Variants in AGPAT5 observed in about 807,000 individuals in gnomAD.
The protein encoded by AGPAT5 is 1-acylglycerol-3-phosphate O-acyltransferase 5.
A neutral mutation model predicts 45.6 loss-of-function variants in AGPAT5; 46 were observed. That is an observed-to-expected ratio of 1.01 (90% CI 0.80 to 1.29). The LOEUF is 1.29. AGPAT5 is among the 50% of genes most tolerant of loss of function. The pLI is 0.00. For missense variants in AGPAT5, 673 were observed against 450.7 expected (o/e 1.49, Z -4.47); for synonymous variants, 272 against 167.0 (o/e 1.63, Z -4.85).
At chr8:6,732,405 C>T (rs1800893577) in intron 3 of AGPAT5, among the ~76,000 whole-genome samples, 156 bp from the exon 4 acceptor site, 1 of 152,176 alleles carries the variant, frequency 6.6e-6, no homozygotes, top group African/African-American at 2.4e-5. Context: ...GCTAAATGTT[C>T]TTTAGAAGCT....
intron 2 of AGPAT5, among the ~76,000 whole-genome samples, chr8:6,727,926 ACCTTACAGAGGCTGTCT>A (rs1323319808): frequency 1.3e-5 from 2 of 152,134 alleles, no homozygotes; most frequent in Non-Finnish European, 1.5e-5. Flanking sequence ...CCTTTCAGGC[ACCTTACAGAGGCTGTCT>A]CCTAATCCTG....
At chr8:6,714,556 A>G (rs867892102) in intron 1 of AGPAT5, among the ~76,000 whole-genome samples, 1 of 152,186 alleles carries the variant, frequency 6.6e-6, no homozygotes, top group African/African-American at 2.4e-5. Context: ...TCTATTTTAA[A>G]ATCACAGATG....
intron 1 of AGPAT5, among the ~76,000 whole-genome samples, chr8:6,714,066 T>A (rs1800242745): frequency 2.0e-5 from 3 of 152,200 alleles, no homozygotes; most frequent in Non-Finnish European, 4.4e-5. Context: ...AGTCATCTAG[T>A]CTACTCCCTT....
chr8:6,737,583 T>G (rs547785927), intron 4 of AGPAT5, among the ~76,000 whole-genome samples: 1 of 152,350 alleles, frequency 6.6e-6, no homozygotes, highest in Admixed American at 6.5e-5. Context: ...TAAAAATAAC[T>G]AATAGAAGTC....
chr8:6,708,847 G>T lies in AGPAT5; in HGVS notation c.179G>T (p.Ser60Ile), dbSNP rs760187760. 6.1e-5 allele frequency: 98 copies of T among 1,611,030 alleles called. No homozygotes were observed. The highest frequency in any genetic ancestry group is 8.1e-5 in the Non-Finnish European group (95 of 1,179,406). Residue 60 changes from serine (S) to isoleucine (I), a missense_variant, in exon 1 of 8, where the codon AGC (serine) becomes ATC (isoleucine). Physicochemically the swap from Ser to Ile is moderately radical, Grantham distance 142. Coordinates refer to ENST00000285518, the MANE Select transcript of AGPAT5 (RefSeq NM_018361.5). ...GACCGGCTCTACTGCGTCTACCAGA[G>T]CATGGTGCTCTTCTTCTTCGAGAAT... Reference protein sequence around the residue: ...LDDRLYCVYQSMVLFFFENYT... With the variant: ...LDDRLYCVYQIMVLFFFENYT...
intron 1 of AGPAT5, among the ~76,000 whole-genome samples, chr8:6,715,138 C>G (rs1800279097): frequency 6.6e-6 from 1 of 152,090 alleles, no homozygotes; most frequent in African/African-American, 2.4e-5. Context: ...AATGTACCTG[C>G]CATTATGGAG....
At chr8:6,740,361 T>A (rs1425586870) in intron 4 of AGPAT5, among the ~76,000 whole-genome samples, 1 of 151,802 alleles carries the variant, frequency 6.6e-6, no homozygotes, top group Non-Finnish European at 1.5e-5. Flanking sequence ...TTTTTCCTTC[T>A]AGTTGCTATA....
chr8:6,727,940 G>C (rs933489223), intron 2 of AGPAT5, among the ~76,000 whole-genome samples: 3 of 152,202 alleles, frequency 2.0e-5, no homozygotes, highest in African/African-American at 7.2e-5. Context: ...TACAGAGGCT[G>C]TCTCCTAATC....
At chr8:6,723,690 T>G (rs1800584590) in intron 1 of AGPAT5, among the ~76,000 whole-genome samples, 1 of 152,256 alleles carries the variant, frequency 6.6e-6, no homozygotes, top group African/African-American at 2.4e-5. Context: ...GAATAAAAAC[T>G]CATTGTGCAA....
intron 1 of AGPAT5, among the ~76,000 whole-genome samples, chr8:6,721,778 C>T (rs1563285908): frequency 6.6e-6 from 1 of 152,170 alleles, no homozygotes; most frequent in Non-Finnish European, 1.5e-5. Flanking sequence ...GACTGATTAA[C>T]AGGAGAAGAG....
rs145294174 is a variant in AGPAT5, at chr8:6,731,912, C to T, written c.406-649C>T. On this transcript the variant is annotated intron_variant, in intron 3 of 7. Coordinates refer to ENST00000285518, the MANE Select transcript of AGPAT5 (RefSeq NM_018361.5). ...TCCTCAGGTGGTTTTTTTCCCTGTG[C>T]CCAAGCACCGCTGGCACTGCTTCCT... Among the ~76,000 whole-genome samples, 60 of 152,284 alleles carry T rather than the reference C, an allele frequency of 3.9e-4. 1 individual carries two copies. The East Asian group carries it at 0.01, about 25-fold the overall frequency.
At chr8:6,756,102 C>G (rs562318822) in intron 7 of AGPAT5, among the ~76,000 whole-genome samples, 9 of 152,160 alleles carry the variant, frequency 5.9e-5, no homozygotes, top group Non-Finnish European at 1.3e-4. Flanking sequence ...GAAGCGCTTT[C>G]CCTTTCTGTT....
At chr8:6,755,365 C>T (rs1012879268) in intron 7 of AGPAT5, among the ~76,000 whole-genome samples, 191 bp downstream of exon 7, 6 of 152,228 alleles carry the variant, frequency 3.9e-5, no homozygotes, top group Admixed American at 6.5e-5. Context: ...GAACTTGTTA[C>T]AGTGGGCCCA....
chr8:6,743,831 A>T (rs1441439714), intron 5 of AGPAT5, among the ~76,000 whole-genome samples: 1 of 151,932 alleles, frequency 6.6e-6, no homozygotes, highest in East Asian at 1.9e-4. Context: ...TGACATACTT[A>T]AGCTTTTTGA....
intron 6 of AGPAT5, among the ~76,000 whole-genome samples, chr8:6,754,481 A>T (rs897797240): frequency 5.3e-5 from 8 of 152,182 alleles, no homozygotes; most frequent in African/African-American, 1.7e-4. Context: ...GCAGTCAGTG[A>T]CGAGAAGCTG....
rs57365087 is a variant in AGPAT5 at position 6,729,345 on chromosome 8, C to CTTTTT, written c.290-1356_290-1352dup. Among the ~76,000 whole-genome samples, 1,221 of 143,196 alleles carry CTTTTT rather than the reference C, an allele frequency of 8.5e-3. 26 individuals carry two copies. Among genetic ancestry groups the CTTTTT allele is most frequent in the South Asian group, 0.059 (270 of 4,560 alleles). The allele number at this position is 143,196 out of a possible 152,430, so 93.9% of individuals were successfully genotyped here. ...ATCCTCAGCTTTTATTTTCTACAGA[C>CTTTTT]TTTTTTTTTTTTTTAACATTTCCTT... On this transcript the variant is annotated intron_variant, in intron 2 of 7. Coordinates refer to ENST00000285518, the MANE Select transcript of AGPAT5 (RefSeq NM_018361.5).
At chr8:6,754,947 A>T in intron 6 of AGPAT5, 104 bp from the exon 7 acceptor site, 1 of 959,278 alleles carries the variant, frequency 1.0e-6, no homozygotes, top group South Asian at 2.5e-5. Flanking sequence ...CTTTTTCTTC[A>T]TTTTACAACT....
At chr8:6,709,141 G>T in intron 1 of AGPAT5, 1 of 569,396 alleles carries the variant, frequency 1.8e-6, no homozygotes, top group Non-Finnish European at 3.2e-6. Flanking sequence ...CCCCTCGCCT[G>T]GGTCTGATGC....
intron 6 of AGPAT5, among the ~76,000 whole-genome samples, chr8:6,750,124 G>A (rs554054630): frequency 3.3e-5 from 5 of 152,294 alleles, no homozygotes; most frequent in African/African-American, 1.2e-4. Context: ...AGTGACAGGC[G>A]GCACCTTTCC....
Sources: gnomAD v4.1 joint callset for allele counts (sites outside exome capture counted in the v4.1 genomes callset) on GRCh38, gnomAD v4.1.1 for gene constraint, MANE v1.5 for transcripts, NCBI Gene and HGNC (gene_info 2026-07-23, HGNC 2026-07-21) for gene names.